RBFOX1: variants seen among roughly 807,000 people sequenced by gnomAD.
The protein encoded by RBFOX1 is RNA binding fox-1 homolog 1, also known as RNA binding protein fox-1 homolog 1.
RBFOX1 carries 8 observed loss-of-function variants against 57.7 expected under a neutral mutation model. The observed-to-expected ratio is 0.14, with a 90% confidence interval of 0.08 to 0.25. The LOEUF (loss-of-function observed/expected upper bound fraction) is 0.25, where lower values mean the gene tolerates loss of function less well. RBFOX1 is among the 10% of genes least tolerant of loss of function. RBFOX1 has a pLI of 1.00. For synonymous variants in RBFOX1, 326 were observed against 222.4 expected (o/e 1.47, Z -4.15); for missense variants, 611 against 548.5 (o/e 1.11, Z -1.14).
At chr16:7,438,854 C>G (rs1468145897) in intron 4 of RBFOX1, among the ~76,000 whole-genome samples, 4 of 152,144 alleles carry the variant, frequency 2.6e-5, no homozygotes, top group African/African-American at 7.2e-5. Flanking sequence ...TTGTCAAAGC[C>G]TGATGCTCTG....
intron 9 of RBFOX1, 92 bp downstream of exon 9, chr16:7,597,523 T>C: frequency 8.6e-7 from 1 of 1,162,884 alleles, no homozygotes; most frequent in Non-Finnish European, 1.2e-6. Flanking sequence ...AAGCTGTGTT[T>C]GCCTGGGCAT....
At chr16:7,178,065 A>G (rs956240830) in intron 4 of RBFOX1, among the ~76,000 whole-genome samples, 2 of 152,240 alleles carry the variant, frequency 1.3e-5, no homozygotes, top group Non-Finnish European at 2.9e-5. Context: ...AGATGCAGAA[A>G]GTCAGTATGT....
At chr16:5,993,339 ACGTGTGTGTG>A (rs1322036808) in intron 4 of RBFOX1, among the ~76,000 whole-genome samples, 5 of 94,034 alleles carry the variant, frequency 5.3e-5, no homozygotes, top group Non-Finnish European at 8.2e-5. Flanking sequence ...ATAATGCTGT[ACGTGTGTGTG>A]TGTGTGTGTG....
chr16:5,551,203 C>T (rs2045450878), intron 2 of RBFOX1, among the ~76,000 whole-genome samples: 2 of 152,212 alleles, frequency 1.3e-5, no homozygotes, highest in South Asian at 2.1e-4. Context: ...TACCCCGTGA[C>T]TTCCTCCAGC....
At chr16:6,640,041 G>A (rs966297152) in intron 2 of RBFOX1, among the ~76,000 whole-genome samples, 1 of 152,052 alleles carries the variant, frequency 6.6e-6, no homozygotes, top group Non-Finnish European at 1.5e-5. Context: ...CTGAAATACA[G>A]AAACTAAAGA....
chr16:7,236,449 C>T (rs1356919291), intron 4 of RBFOX1, among the ~76,000 whole-genome samples: 1 of 152,150 alleles, frequency 6.6e-6, no homozygotes, highest in African/African-American at 2.4e-5. Flanking sequence ...TCTCCGCTGT[C>T]ATGCAATCTG....
intron 4 of RBFOX1, among the ~76,000 whole-genome samples, chr16:7,197,037 C>T (rs185243203): frequency 3.3e-4 from 50 of 152,270 alleles, no homozygotes; most frequent in South Asian, 8.3e-4. Context: ...CACACCATAG[C>T]CATCTTTCAG....
intron 10 of RBFOX1, among the ~76,000 whole-genome samples, chr16:7,618,736 A>G (rs2058852820): frequency 6.6e-6 from 1 of 152,186 alleles, no homozygotes; most frequent in Non-Finnish European, 1.5e-5. Flanking sequence ...CTCATTCTCT[A>G]CATATAAAAC....
At chr16:5,907,031 C>T (rs1049988974) in intron 4 of RBFOX1, among the ~76,000 whole-genome samples, 1 of 152,050 alleles carries the variant, frequency 6.6e-6, no homozygotes, top group African/African-American at 2.4e-5. Flanking sequence ...GCCACTGTGC[C>T]CGGCCCATCT....
At chr16:5,745,665 G>T (rs1387569979) in intron 3 of RBFOX1, among the ~76,000 whole-genome samples, 1 of 152,100 alleles carries the variant, frequency 6.6e-6, no homozygotes, top group African/African-American at 2.4e-5. Flanking sequence ...TCTCATTGTG[G>T]TTTGATTTGC....
intron 3 of RBFOX1, among the ~76,000 whole-genome samples, chr16:5,791,020 C>G (rs575040185): frequency 6.6e-6 from 1 of 152,122 alleles, no homozygotes; most frequent in South Asian, 2.1e-4. Flanking sequence ...AGGTGCATAC[C>G]ACCACACCTG....
At chr16:6,545,173 C>T (rs111258092) in intron 2 of RBFOX1, among the ~76,000 whole-genome samples, 16 of 152,262 alleles carry the variant, frequency 1.1e-4, no homozygotes, top group South Asian at 2.1e-4. Flanking sequence ...CCAAACTACC[C>T]GCATCTGGAC....
At chr16:7,186,844 T>G (rs1300558097) in intron 4 of RBFOX1, among the ~76,000 whole-genome samples, 2 of 151,302 alleles carry the variant, frequency 1.3e-5, no homozygotes, top group Non-Finnish European at 2.9e-5. Context: ...AACAATATTC[T>G]TTATGACTTA....
chr16:6,500,562 A>G (rs2095880293), intron 2 of RBFOX1, among the ~76,000 whole-genome samples: 1 of 152,170 alleles, frequency 6.6e-6, no homozygotes, highest in Non-Finnish European at 1.5e-5. Context: ...TCTGAACACA[A>G]TAGAGTCCCT....
chr16:7,246,210 T>A (rs2094292090), intron 4 of RBFOX1, among the ~76,000 whole-genome samples: 1 of 152,164 alleles, frequency 6.6e-6, no homozygotes, highest in Non-Finnish European at 1.5e-5. Flanking sequence ...TGCTTTCAAA[T>A]TTGAGAGAAA....
chr16:5,373,900 A>G (rs762309483), intron 1 of RBFOX1, among the ~76,000 whole-genome samples: 2 of 152,014 alleles, frequency 1.3e-5, no homozygotes, highest in Admixed American at 6.6e-5. Context: ...CACTGTGCCC[A>G]GCCAAACTTC....
At chr16:6,217,540 C>T (rs1263812872) in intron 1 of RBFOX1, among the ~76,000 whole-genome samples, 2 of 152,278 alleles carry the variant, frequency 1.3e-5, no homozygotes, top group Non-Finnish European at 2.9e-5. Context: ...ATTCCCCCTG[C>T]TCCTTTGCAT....
At chr16:6,916,143 G>A (rs1346156012) in intron 3 of RBFOX1, among the ~76,000 whole-genome samples, 1 of 152,100 alleles carries the variant, frequency 6.6e-6, no homozygotes, top group East Asian at 1.9e-4. Flanking sequence ...CTCCAGGAGA[G>A]GCAAGAATGA....
chr16:7,072,809 G>C (rs1414498699), intron 4 of RBFOX1, among the ~76,000 whole-genome samples: 1 of 152,216 alleles, frequency 6.6e-6, no homozygotes, highest in South Asian at 2.1e-4. Context: ...TGAAGCTACC[G>C]TTGGCCCAGT....
Sources: allele counts gnomAD v4.1 joint callset (sites outside exome capture counted in the v4.1 genomes callset), GRCh38; gene constraint gnomAD v4.1.1; transcripts MANE v1.5; gene names NCBI Gene and HGNC (gene_info 2026-07-23, HGNC 2026-07-21).